The following TENM2 variants were observed in gnomAD, a reference collection of about 807,000 sequenced individuals.
The protein encoded by TENM2 is teneurin-2.
A neutral mutation model predicts 245.2 loss-of-function variants in TENM2; 52 were observed. The ratio of observed to expected loss-of-function variants is 0.21; its 90% CI spans 0.17 to 0.27. The LOEUF (loss-of-function observed/expected upper bound fraction) is 0.27, where lower values mean the gene tolerates loss of function less well. Ranked by LOEUF, TENM2 falls within the 10% of genes least tolerant of loss-of-function variation. The pLI, the probability that TENM2 is intolerant of heterozygous loss-of-function variation, is 1.00. For missense variants in TENM2, 3,046 were observed against 3,666.8 expected, an observed-to-expected ratio of 0.83 and a Z score of 4.37; for synonymous variants, 1,363 against 1,438.9, an observed-to-expected ratio of 0.95 and a Z score of 1.19.
chr5:167,844,073 A>G (rs753841465), intron 2 of TENM2, among the ~76,000 whole-genome samples: 1 of 152,200 alleles, frequency 6.6e-6, no homozygotes, highest in Non-Finnish European at 1.5e-5. Flanking sequence ...TGTACAGCTT[A>G]GTTTGCTCAG....
chr5:168,162,375 G>A (rs938181010), intron 12 of TENM2, among the ~76,000 whole-genome samples: 5 of 152,358 alleles, frequency 3.3e-5, no homozygotes, highest in African/African-American at 1.2e-4. Flanking sequence ...GCTTTGGGAA[G>A]GTTGCCTCTG....
At chr5:167,494,802 C>A (rs1768697157) in intron 2 of TENM2, among the ~76,000 whole-genome samples, 2 of 152,044 alleles carry the variant, frequency 1.3e-5, no homozygotes, top group Non-Finnish European at 2.9e-5. Context: ...ATGAGCAAGA[C>A]TTGAAGTTGG....
At chr5:167,632,873 G>A (rs1258084146) in intron 2 of TENM2, among the ~76,000 whole-genome samples, 1 of 152,164 alleles carries the variant, frequency 6.6e-6, no homozygotes, top group Non-Finnish European at 1.5e-5. Flanking sequence ...AAGTTTAGAT[G>A]ACTTGGCAAA....
intron 2 of TENM2, among the ~76,000 whole-genome samples, chr5:167,408,688 G>A (rs1053893820): frequency 4.6e-5 from 7 of 151,778 alleles, no homozygotes; most frequent in Non-Finnish European, 8.8e-5. Context: ...CTTATTGAGT[G>A]TATTAGAGAT....
chr5:168,059,726 G>A (rs72824985), intron 6 of TENM2, among the ~76,000 whole-genome samples: 13,858 of 152,086 alleles, frequency 0.091, 728 homozygotes, highest in East Asian at 0.19. Context: ...GAGAGCTCCT[G>A]ATCAACTTGT....
intron 1 of TENM2, among the ~76,000 whole-genome samples, chr5:167,364,313 T>C (rs1759908066): frequency 1.3e-5 from 2 of 152,020 alleles, no homozygotes; most frequent in South Asian, 2.1e-4. Flanking sequence ...TGTGAAAAGA[T>C]AGACAAAAAG....
At chr5:168,017,422 T>C (rs900992894) in intron 5 of TENM2, among the ~76,000 whole-genome samples, 1 of 152,218 alleles carries the variant, frequency 6.6e-6, no homozygotes, top group Non-Finnish European at 1.5e-5. Context: ...CTCGTTTGCA[T>C]GGAGCTCTTC....
At chr5:167,648,085 G>T (rs1780086041) in intron 2 of TENM2, among the ~76,000 whole-genome samples, 1 of 152,180 alleles carries the variant, frequency 6.6e-6, no homozygotes, top group Admixed American at 6.5e-5. Flanking sequence ...CAGTGGTATA[G>T]ATGAAAGCAT....
the TENM2 span, among the ~76,000 whole-genome samples, chr5:167,225,309 A>C: frequency 6.6e-6 from 1 of 151,892 alleles, no homozygotes; most frequent in African/African-American, 2.4e-5. Context: ...TTTTTCATAC[A>C]TGTTCTTTAT....
intron 2 of TENM2, among the ~76,000 whole-genome samples, chr5:167,672,933 A>C (rs1221898483): frequency 6.7e-5 from 10 of 150,162 alleles, no homozygotes; most frequent in African/African-American, 2.2e-4. Context: ...AAAAAAGATG[A>C]TTTCTCGAAC....
At chr5:168,140,957 C>T (rs1755492841) in intron 12 of TENM2, among the ~76,000 whole-genome samples, 1 of 152,056 alleles carries the variant, frequency 6.6e-6, no homozygotes. Flanking sequence ...GATAGAACAC[C>T]CGAGAAAGTT....
At chr5:167,686,080 T>A (rs1757056013) in intron 2 of TENM2, among the ~76,000 whole-genome samples, 1 of 152,206 alleles carries the variant, frequency 6.6e-6, no homozygotes, top group Admixed American at 6.5e-5. Context: ...ATTGAAGAGC[T>A]TAGGCTAGTG....
intron 1 of TENM2, among the ~76,000 whole-genome samples, chr5:167,372,944 G>A (rs1478331236): frequency 1.3e-5 from 2 of 152,220 alleles, no homozygotes; most frequent in Non-Finnish European, 2.9e-5. Context: ...AACTGGAACA[G>A]AATACTCTGG....
At chr5:167,415,097 A>G (rs957232668) in intron 2 of TENM2, among the ~76,000 whole-genome samples, 4 of 152,154 alleles carry the variant, frequency 2.6e-5, no homozygotes, top group African/African-American at 9.6e-5. Flanking sequence ...AGAGAACAGC[A>G]TTCACTCACT....
chr5:168,225,880 T>G (rs1442526001), intron 23 of TENM2, among the ~76,000 whole-genome samples: 1 of 151,758 alleles, frequency 6.6e-6, no homozygotes, highest in Non-Finnish European at 1.5e-5. Context: ...GGAGCTGAAG[T>G]CAGTTATATC....
At chr5:168,012,352 T>C (rs74833603) in intron 5 of TENM2, among the ~76,000 whole-genome samples, 80 of 152,220 alleles carry the variant, frequency 5.3e-4, no homozygotes, top group African/African-American at 1.9e-3. Flanking sequence ...ACTTCAAAAC[T>C]GAAGGTGAGG....
intron 2 of TENM2, among the ~76,000 whole-genome samples, chr5:167,406,595 G>A (rs934032277): frequency 6.6e-6 from 1 of 152,060 alleles, no homozygotes; most frequent in Non-Finnish European, 1.5e-5. Flanking sequence ...CTGTTATAAT[G>A]AGCATAGTTT....
chr5:167,790,625 A>G (rs1764887568), intron 2 of TENM2, among the ~76,000 whole-genome samples: 1 of 152,182 alleles, frequency 6.6e-6, no homozygotes, highest in African/African-American at 2.4e-5. Flanking sequence ...CCTCAGTCCC[A>G]GAGGTGCCTC....
chr5:167,070,812 G>T, the TENM2 span, among the ~76,000 whole-genome samples: 3 of 151,856 alleles, frequency 2.0e-5, no homozygotes, highest in Admixed American at 6.6e-5. Context: ...GACGATGCTT[G>T]GTTTGTCTTT....
Sources: allele counts gnomAD v4.1 joint callset (sites outside exome capture counted in the v4.1 genomes callset), GRCh38; gene constraint gnomAD v4.1.1; transcripts MANE v1.5; gene names NCBI Gene and HGNC (gene_info 2026-07-23, HGNC 2026-07-21).